Variants in PRDM7 observed in about 807,000 individuals in gnomAD.
PRDM7 encodes the protein histone-lysine N-methyltransferase PRDM7.
A neutral mutation model predicts 64.3 loss-of-function variants in PRDM7; 52 were observed. The ratio of observed to expected loss-of-function variants is 0.81; its 90% CI spans 0.65 to 1.02. The LOEUF (loss-of-function observed/expected upper bound fraction) is 1.02. Among genes scored for constraint, PRDM7 ranks in the 50% least tolerant of loss-of-function variants. The pLI is 0.00. For missense variants in PRDM7, 574 were observed against 597.1 expected, an observed-to-expected ratio of 0.96 and a Z score of 0.40; for synonymous variants, 192 against 210.1, an observed-to-expected ratio of 0.91 and a Z score of 0.74.
In PRDM7 at chr16:90,061,948, C is replaced by T. The variant is rs1197863519; in HGVS notation, c.855G>A (p.Glu285=). Residue 285 remains glutamate, a synonymous_variant, in exon 8 of 11, where the codon GAG becomes GAA. Coordinates refer to ENST00000449207, the MANE Select transcript of PRDM7 (RefSeq NM_001098173.2). ...PYEGRITEDE[E]AANSGYSWLI... ...GCCAGGAATATCCACTGTTGGCTGC[C>T]TCTTCGTCTTCTGTAATTCGGCCCT... 5 of 1,614,264 alleles carry T rather than the reference C, an allele frequency of 3.1e-6. No homozygotes were observed. In the Admixed American group the frequency reaches 5.0e-5, roughly 16 times the overall value.
At chr16:90,071,967 C>T (rs1004126987) in intron 4 of PRDM7, among the ~76,000 whole-genome samples, 5 of 151,982 alleles carry the variant, frequency 3.3e-5, no homozygotes, top group Admixed American at 2.6e-4. Flanking sequence ...CCGCGGCAGG[C>T]GGATCATGAG....
rs199981513 is a variant in PRDM7, at chr16:90,060,341, C to T, written c.1233G>A (p.Glu411=). The T allele has an allele frequency of 1.4e-5, 23 of 1,613,962 alleles. 1 individual carries two copies. Among genetic ancestry groups the T allele is most frequent in the Middle Eastern group, 3.3e-4 (2 of 6,056 alleles). The change falls in exon 10 of 11, where the codon GAG becomes GAA. Residue 411 remains glutamate (E), a splice_region_variant and synonymous_variant. Transcript: ENST00000449207. The part of the protein sequence containing the change: ...ASGRKSSWQG[E]NQSQRSIHVP... ...TTAAAAGAGTAATAGTGATGCCTAC[C>T]TCTCCCTGCCATGAGCTCTTTCTTC... is the stretch of plus-strand genomic sequence containing the variant.
rs186992397 is a variant in PRDM7, at chr16:90,059,404, C to T, written c.1234-870G>A. ...AAAATATATCCCTACTCAGGCTTAC[C>T]GCCATGCTCCCCACCTTCATCCTGC... On this transcript the variant is annotated intron_variant, in intron 10 of 10. Transcript: ENST00000449207. Among the ~76,000 whole-genome samples the T allele has an allele frequency of 1.9e-3, 289 of 152,336 alleles. 1 individual carries two copies. Among genetic ancestry groups the T allele is most frequent in the African/African-American group, 6.5e-3 (271 of 41,576 alleles).
In PRDM7 at chr16:90,059,794, C is replaced by T. The variant is rs1385870790; in HGVS notation, c.1233+547G>A. The stretch of plus-strand genomic sequence containing the variant: ...TTCTGGATTCATTTTCTTCAAAGCA[C>T]TAATCGCCGTCTGATATTACACATA... On this transcript the variant is annotated intron_variant, in intron 10 of 10. Coordinates refer to ENST00000449207, the MANE Select transcript of PRDM7 (RefSeq NM_001098173.2). 1.2e-4 allele frequency among the ~76,000 whole-genome samples: 18 copies of T among 152,350 alleles called. 1 individual carries two copies. In the East Asian group the frequency reaches 3.3e-3, roughly 28 times the overall value.
rs2038018072 is a variant in PRDM7, at chr16:90,075,120, C to T, written c.194-97G>A. 2.2e-6 allele frequency: 3 copies of T among 1,392,102 alleles called. No individual in the cohort carries two copies. The highest frequency in any genetic ancestry group is 1.9e-5 in the Admixed American group (1 of 53,968). 86.2% of individuals were successfully genotyped at this position (1,392,102 alleles called of 1,614,324 possible). On this transcript the variant is annotated intron_variant, in intron 3 of 10. Transcript: ENST00000449207. The surrounding 1 kb of genome is among the most constrained non-coding windows in gnomAD (Gnocchi z 4.3). ...AAAGCACCACAAAGCCAGTGCTGCT[C>T]AGTCTGATGAGCTGGGAGAGTCTTG...
Position 90,062,390 on chromosome 16 carries a change from G to C in PRDM7, c.610+11C>G, listed in dbSNP as rs757780833. On this transcript the variant is annotated intron_variant, in intron 7 of 10. Transcript: ENST00000449207. ...CAGCAAGCTGTGTGAGTGGCTGAAA[G>C]GGTCACTCACAGAGGTAGTCATCAT... 3 of 1,613,408 alleles carry C rather than the reference G, an allele frequency of 1.9e-6. No homozygotes were observed. Among genetic ancestry groups the C allele is most frequent in the Middle Eastern group, 1.7e-4 (1 of 6,060 alleles).
Position 90,076,090 on chromosome 16 carries a change from A to G in PRDM7, c.-85-95T>C, listed in dbSNP as rs1282858714. On this transcript the variant is annotated intron_variant, in intron 1 of 10. Coordinates refer to ENST00000449207, the MANE Select transcript of PRDM7 (RefSeq NM_001098173.2). ...TCCATCTGGCTGGGGTGTTCAGAGC[A>G]GGAAGACTGGGTTCCTGGTGAGGTC... 3.2e-5 allele frequency: 23 copies of G among 714,828 alleles called. No homozygotes were observed. The South Asian group carries it at 3.9e-4, about 12-fold the overall frequency. 44.3% of individuals were successfully genotyped at this position (714,828 alleles called of 1,614,324 possible).
chr16:90,074,457 G>T (rs1405673730), intron 4 of PRDM7, among the ~76,000 whole-genome samples: 3 of 151,382 alleles, frequency 2.0e-5, no homozygotes, highest in African/African-American at 7.3e-5. Context: ...CACATCTGCA[G>T]TCCCAGCTAC....
chr16:90,071,958 C>T (rs1012550408), intron 4 of PRDM7, among the ~76,000 whole-genome samples: 5 of 152,190 alleles, frequency 3.3e-5, no homozygotes, highest in African/African-American at 7.2e-5. Flanking sequence ...TTCGGGAGGC[C>T]GCGGCAGGCG....
chr16:90,073,295 A>G (rs1193990278), intron 4 of PRDM7, among the ~76,000 whole-genome samples: 3 of 152,028 alleles, frequency 2.0e-5, no homozygotes, highest in Non-Finnish European at 4.4e-5. Context: ...GGTGTTAGAA[A>G]GCTTTTTTGT....
intron 4 of PRDM7, among the ~76,000 whole-genome samples, chr16:90,069,156 A>G (rs941564949): frequency 6.6e-6 from 1 of 151,338 alleles, no homozygotes. Context: ...TGGTATAAAG[A>G]CAGACCTATA....
rs1236434738 is a variant in PRDM7, at chr16:90,063,625, A to G, written c.495T>C (p.Ser165=). 5.6e-6 allele frequency: 9 copies of G among 1,613,520 alleles called. No individual in the cohort carries two copies. Among genetic ancestry groups the G allele is most frequent in the Non-Finnish European group, 7.6e-6 (9 of 1,180,012 alleles). The change falls in exon 6 of 11, where the codon TCT becomes TCC. Residue 165 remains serine, a synonymous_variant. Coordinates refer to ENST00000449207, the MANE Select transcript of PRDM7 (RefSeq NM_001098173.2). The part of the protein sequence containing the change: ...PGEASTSGQH[S]RLKLELRRKE... ...ATTTTTTCTTACCCAGTTTTAGTCT[A>G]GAGTGCTGTCCAGAGGTACTTGCTT...
At chr16:90,072,266 G>T (rs1340879061) in intron 4 of PRDM7, among the ~76,000 whole-genome samples, 1 of 151,266 alleles carries the variant, frequency 6.6e-6, no homozygotes, top group African/African-American at 2.4e-5. Context: ...CGATCTCAAA[G>T]AGATATTTGC....
chr16:90,061,469 G>C lies in PRDM7; in HGVS notation c.933C>G (p.Ser311=). 6.2e-6 allele frequency: 10 copies of C among 1,605,350 alleles called. No homozygotes were observed. The highest frequency in any genetic ancestry group is 8.5e-6 in the Non-Finnish European group (10 of 1,172,100). Residue 311 remains serine (S), a synonymous_variant, in exon 9 of 11, where the codon TCC becomes TCG. Transcript: ENST00000449207. ...CYEYVDGKDK[S]SANWMRYVNC... ...GGCCTTACCTCATCCAGTTGGCCGAGGATTTATCTTTTCCATCCACATACT... is the reference window on the plus strand; with the variant it reads ...GGCCTTACCTCATCCAGTTGGCCGACGATTTATCTTTTCCATCCACATACT...
At chr16:90,061,565 C>G (rs2037778096) in intron 8 of PRDM7, 46 bp from the exon 9 acceptor site, 1 of 1,541,790 alleles carries the variant, frequency 6.5e-7, no homozygotes, top group African/African-American at 1.4e-5. Context: ...GGGTAAAAAT[C>G]CGAAGAATTA....
At position 90,058,213 on chromosome 16, in the gene PRDM7, A is replaced by G. The variant is rs7184954; in HGVS notation, c.*76T>C. ...CTCTTCTTCCATCATTCTTTCTCCC[A>G]CTCTAGAGCTCCCCATTTGTCCTTT... is the stretch of plus-strand genomic sequence containing the variant. On this transcript the variant is annotated 3_prime_UTR_variant, in exon 11 of 11. Coordinates refer to ENST00000449207, the MANE Select transcript of PRDM7 (RefSeq NM_001098173.2). The G allele has an allele frequency of 3.7e-3, 5,903 of 1,613,236 alleles. 119 individuals are homozygous for G. In the African/African-American group the frequency reaches 0.051, roughly 14 times the overall value.
chr16:90,077,050 G>A (rs2038047356), intron 1 of PRDM7, among the ~76,000 whole-genome samples, 176 bp downstream of exon 1: 1 of 152,020 alleles, frequency 6.6e-6, no homozygotes. Flanking sequence ...TGGGTGAAGG[G>A]ATTTGGGGTC....
chr16:90,068,508 GC>G (rs1001922051), intron 4 of PRDM7, among the ~76,000 whole-genome samples: 9 of 148,694 alleles, frequency 6.1e-5, no homozygotes, highest in Admixed American at 2.7e-4. Flanking sequence ...GGTGACGGGC[GC>G]CTGTAGTCCC....
Position 90,057,014 on chromosome 16 carries a change from T to C in PRDM7, c.*1275A>G, listed in dbSNP as rs559329519. On this transcript the variant is annotated 3_prime_UTR_variant, in exon 11 of 11. Transcript: ENST00000449207. ...AGGGTCTGTCTCTCTTCTCTCAGAG[T>C]ATTCAATTTCCTTAGGATTTTGAGC... 2 of 152,196 alleles carry C rather than the reference T, an allele frequency of 1.3e-5. No individual in the cohort carries two copies. Among genetic ancestry groups the C allele is most frequent in the African/African-American group, 4.8e-5 (2 of 41,500 alleles). The allele number at this position is 152,196 out of a possible 1,614,324, so 9.4% of individuals were successfully genotyped here.
Sources: allele counts gnomAD v4.1 joint callset (sites outside exome capture counted in the v4.1 genomes callset), GRCh38; gene constraint gnomAD v4.1.1; non-coding constraint Gnocchi (gnomAD v3.1); transcripts MANE v1.5; gene names NCBI Gene and HGNC (gene_info 2026-07-23, HGNC 2026-07-21).